Variants in AGBL4 observed in about 807,000 individuals in gnomAD.
The protein encoded by AGBL4 is cytosolic carboxypeptidase 6.
AGBL4 carries 58 observed loss-of-function variants against 66.4 expected under a neutral mutation model. The observed-to-expected ratio is 0.87, with a 90% confidence interval of 0.71 to 1.09. The LOEUF is 1.09. Ranked by LOEUF, AGBL4 falls within the 50% of genes least tolerant of loss-of-function variation. The pLI is 0.00. For synonymous variants in AGBL4, 234 were observed against 222.9 expected, an observed-to-expected ratio of 1.05 and a Z score of -0.44; for missense variants, 579 against 631.0, an observed-to-expected ratio of 0.92 and a Z score of 0.88.
chr1:49,934,045 G>A (rs138997406), intron 1 of AGBL4, among the ~76,000 whole-genome samples: 74 of 152,164 alleles, frequency 4.9e-4, no homozygotes, highest in African/African-American at 1.6e-3. Flanking sequence ...ACACATGTGG[G>A]CTGAAAATGA....
At chr1:48,714,780 A>G (rs2148523119) in intron 6 of AGBL4, among the ~76,000 whole-genome samples, 2 of 152,308 alleles carry the variant, frequency 1.3e-5, no homozygotes, top group African/African-American at 4.8e-5. Flanking sequence ...CCACCTGTGC[A>G]GGTCCTCCAG....
chr1:48,764,070 T>C (rs1644410594), intron 6 of AGBL4, among the ~76,000 whole-genome samples: 1 of 152,070 alleles, frequency 6.6e-6, no homozygotes, highest in African/African-American at 2.4e-5. Flanking sequence ...TGAACAAACA[T>C]CCAGTTGGGG....
intron 3 of AGBL4, among the ~76,000 whole-genome samples, chr1:49,628,810 T>G (rs1645513866): frequency 6.6e-6 from 1 of 152,124 alleles, no homozygotes; most frequent in Non-Finnish European, 1.5e-5. Context: ...AAAAGCAAAT[T>G]GTTACTGACC....
intron 4 of AGBL4, among the ~76,000 whole-genome samples, chr1:49,130,372 A>G (rs1034986474): frequency 6.6e-6 from 1 of 152,122 alleles, no homozygotes; most frequent in Non-Finnish European, 1.5e-5. Flanking sequence ...GGTGTTTTAG[A>G]CATGAAGTCC....
At chr1:49,967,064 C>A (rs1377042721) in intron 1 of AGBL4, among the ~76,000 whole-genome samples, 1 of 152,098 alleles carries the variant, frequency 6.6e-6, no homozygotes, top group Non-Finnish European at 1.5e-5. Context: ...GTTCTAGATC[C>A]TTGAGGAATC....
intron 4 of AGBL4, among the ~76,000 whole-genome samples, chr1:49,238,931 T>C (rs545609690): frequency 6.6e-6 from 1 of 152,274 alleles, no homozygotes; most frequent in South Asian, 2.1e-4. Flanking sequence ...GGAACCTAAG[T>C]AGTCTTCCCT....
rs1187156979 is a variant in AGBL4 at position 48,954,062 on chromosome 1, C to T, written c.595-86832G>A. On this transcript the variant is annotated intron_variant, in intron 5 of 13. Coordinates refer to ENST00000371839, the MANE Select transcript of AGBL4 (RefSeq NM_032785.4). ...TTCAGACATAGTAGTGCCTGCTAGG[C>T]CACACCCTTCCTTCTCTATCTGTAT... 1.4e-4 allele frequency among the ~76,000 whole-genome samples: 22 copies of T among 152,190 alleles called. No individual in the cohort carries two copies. In the East Asian group the frequency reaches 4.2e-3, roughly 29 times the overall value.
chr1:49,892,057 A>G (rs1161366454), intron 1 of AGBL4, among the ~76,000 whole-genome samples: 1 of 152,182 alleles, frequency 6.6e-6, no homozygotes, highest in Non-Finnish European at 1.5e-5. Flanking sequence ...ACAGAGCATG[A>G]TGGCCAAATA....
At chr1:49,146,995 G>A (rs569362201) in intron 4 of AGBL4, among the ~76,000 whole-genome samples, 1 of 152,314 alleles carries the variant, frequency 6.6e-6, no homozygotes, top group South Asian at 2.1e-4. Flanking sequence ...GCAGCACAAA[G>A]CTAATGCTTC....
intron 4 of AGBL4, among the ~76,000 whole-genome samples, chr1:49,095,397 AC>A (rs1275427554): frequency 6.6e-6 from 1 of 152,210 alleles, no homozygotes; most frequent in African/African-American, 2.4e-5. Flanking sequence ...AGCCAAAAGA[AC>A]AAAGCTGGAG....
intron 3 of AGBL4, among the ~76,000 whole-genome samples, chr1:49,556,441 G>A (rs1558048057): frequency 1.3e-5 from 2 of 151,464 alleles, no homozygotes; most frequent in East Asian, 1.9e-4. Flanking sequence ...ACACCAACAT[G>A]GCACATGTAT....
intron 5 of AGBL4, among the ~76,000 whole-genome samples, chr1:48,964,052 T>C (rs1317556069): frequency 6.6e-6 from 1 of 152,180 alleles, no homozygotes; most frequent in African/African-American, 2.4e-5. Context: ...ACAGAAGTTG[T>C]ATCAGATTAA....
chr1:48,720,811 G>A (rs958778151), intron 6 of AGBL4, among the ~76,000 whole-genome samples: 2 of 152,092 alleles, frequency 1.3e-5, no homozygotes, highest in African/African-American at 2.4e-5. Context: ...AATCCTCTGA[G>A]TGTTAAGGTA....
At chr1:49,901,018 A>G (rs1195018539) in intron 1 of AGBL4, among the ~76,000 whole-genome samples, 2 of 152,250 alleles carry the variant, frequency 1.3e-5, no homozygotes, top group Non-Finnish European at 2.9e-5. Context: ...AACAAAGTTT[A>G]CAAAGCAATC....
intron 3 of AGBL4, among the ~76,000 whole-genome samples, chr1:49,533,538 C>T (rs1651312625): frequency 6.6e-6 from 1 of 152,114 alleles, no homozygotes; most frequent in Non-Finnish European, 1.5e-5. Context: ...GATGACTACT[C>T]AGGTCTCTTC....
chr1:49,634,367 T>C (rs1361435506), intron 3 of AGBL4, among the ~76,000 whole-genome samples: 1 of 152,180 alleles, frequency 6.6e-6, no homozygotes, highest in African/African-American at 2.4e-5. Flanking sequence ...TCCAGCTTCA[T>C]CCATGTCCCT....
chr1:49,494,975 G>A (rs1647406595), intron 3 of AGBL4, among the ~76,000 whole-genome samples: 1 of 151,906 alleles, frequency 6.6e-6, no homozygotes, highest in African/African-American at 2.4e-5. Context: ...TACTTTAATT[G>A]TCATTTTTTG....
intron 1 of AGBL4, among the ~76,000 whole-genome samples, chr1:49,907,258 T>A (rs1399421279): frequency 6.6e-6 from 1 of 152,178 alleles, no homozygotes; most frequent in Non-Finnish European, 1.5e-5. Flanking sequence ...CTTCACTTCT[T>A]AAGTTTCTTT....
chr1:48,636,776 G>C (rs900749686), intron 8 of AGBL4, among the ~76,000 whole-genome samples: 4 of 152,178 alleles, frequency 2.6e-5, no homozygotes, highest in Non-Finnish European at 5.9e-5. Flanking sequence ...GCCAGCATAT[G>C]GTGGAGCAGG....
Sources: gnomAD v4.1 joint callset for allele counts (sites outside exome capture counted in the v4.1 genomes callset) on GRCh38, gnomAD v4.1.1 for gene constraint, MANE v1.5 for transcripts, NCBI Gene and HGNC (gene_info 2026-07-23, HGNC 2026-07-21) for gene names.